Variants in TMEM267 observed in about 807,000 individuals in gnomAD.
TMEM267 encodes transmembrane protein C5orf28.
In TMEM267, 20 loss-of-function variants were observed where a neutral mutation model predicts 19.3. The ratio of observed to expected loss-of-function variants is 1.04; its 90% CI spans 0.73 to 1.51. TMEM267 has a LOEUF of 1.51. TMEM267 is among the 40% of genes most tolerant of loss of function. The pLI, the probability that TMEM267 is intolerant of heterozygous loss-of-function variation, is 0.00. For synonymous variants in TMEM267, 88 were observed against 90.3 expected, an observed-to-expected ratio of 0.97 and a Z score of 0.15; for missense variants, 242 against 261.9, an observed-to-expected ratio of 0.92 and a Z score of 0.52.
intron 2 of TMEM267, among the ~76,000 whole-genome samples, chr5:43,452,597 A>C (rs1386079505): frequency 2.0e-5 from 3 of 151,850 alleles, no homozygotes; most frequent in African/African-American, 7.3e-5. Context: ...AAAAAAAAAA[A>C]AAAAACTGAA....
chr5:43,483,614 C>T lies in TMEM267; in HGVS notation c.-75+208G>A, dbSNP rs532190485. Among the ~76,000 whole-genome samples, 147 of 152,280 alleles carry T rather than the reference C, an allele frequency of 9.7e-4. 1 individual carries two copies. The South Asian group carries it at 0.03, about 31-fold the overall frequency. On this transcript the variant is annotated intron_variant, in intron 1 of 2. Coordinates refer to ENST00000397080, the MANE Select transcript of TMEM267 (RefSeq NM_022483.5). ...CCTCGCAGACCCCAGGGCCGCGGGA[C>T]GGTGCCGGCTCGTGGGTCACACGCA...
intron 1 of TMEM267, among the ~76,000 whole-genome samples, chr5:43,456,558 G>A: frequency 6.6e-6 from 1 of 152,088 alleles, no homozygotes; most frequent in Non-Finnish European, 1.5e-5. Flanking sequence ...TCAAAACAGA[G>A]TAATAGGAAA....
intron 2 of TMEM267, among the ~76,000 whole-genome samples, chr5:43,450,671 A>C (rs1742533150): frequency 6.6e-6 from 1 of 152,198 alleles, no homozygotes; most frequent in Non-Finnish European, 1.5e-5. Flanking sequence ...TATTCTTAAC[A>C]ATAGTGCTTC....
rs746963577 is a variant in TMEM267 at position 43,453,908 on chromosome 5, A to G, written c.62T>C (p.Ile21Thr). 1.2e-6 allele frequency: 2 copies of G among 1,614,116 alleles called. No homozygotes were observed. Among genetic ancestry groups the G allele is most frequent in the Admixed American group, 3.3e-5 (2 of 59,970 alleles). Reference protein sequence around the residue: ...LLQTCSTESLISSLGLGAFCL... With the variant: ...LLQTCSTESLTSSLGLGAFCL... ...AAATGCCCCCAGACCAAGGCTGGAA[A>G]TAAGAGATTCAGTGCTACAAGTCTG... Residue 21 changes from isoleucine to threonine, a missense_variant, in exon 2 of 3, where the codon ATT becomes ACT. Physicochemically the swap from Ile to Thr is moderately conservative, Grantham distance 89. Transcript: ENST00000397080.
rs544046875 is a variant in TMEM267, at chr5:43,453,945, G to A, written c.25C>T (p.His9Tyr). Reference sequence around the variant, plus strand: ...GTGCTACAAGTCTGCAGTAAAGCATGGGTCTTTTCAGTCTCGGATGCCATG... The same window carrying A: ...GTGCTACAAGTCTGCAGTAAAGCATAGGTCTTTTCAGTCTCGGATGCCATG... MASETEKT[H>Y]ALLQTCSTES... is the part of the protein sequence containing the mutation. The change falls in exon 2 of 3, where the codon CAT becomes TAT. Residue 9 changes from histidine to tyrosine, a missense_variant. His to Tyr is a moderately conservative substitution (Grantham distance 83). Coordinates refer to ENST00000397080, the MANE Select transcript of TMEM267 (RefSeq NM_022483.5). 1.2e-6 allele frequency: 2 copies of A among 1,613,734 alleles called. No homozygotes were observed. Among genetic ancestry groups the A allele is most frequent in the South Asian group, 1.1e-5 (1 of 91,066 alleles).
intron 1 of TMEM267, among the ~76,000 whole-genome samples, chr5:43,465,554 A>C (rs1743604146): frequency 6.6e-6 from 1 of 152,212 alleles, no homozygotes; most frequent in Non-Finnish European, 1.5e-5. Context: ...CTTGGAACCA[A>C]CCCAAATGTC....
intron 1 of TMEM267, among the ~76,000 whole-genome samples, chr5:43,470,045 A>G (rs1003517087): frequency 3.9e-5 from 6 of 152,222 alleles, no homozygotes; most frequent in African/African-American, 1.4e-4. Context: ...GCCAGGACTC[A>G]AAATAATGCA....
At chr5:43,465,533 A>C (rs1187434364) in intron 1 of TMEM267, among the ~76,000 whole-genome samples, 1 of 152,194 alleles carries the variant, frequency 6.6e-6, no homozygotes, top group Admixed American at 6.5e-5. Flanking sequence ...CACTATTCAC[A>C]ATAGCAAAGA....
Position 43,446,298 on chromosome 5 carries a change from A to C in TMEM267, c.572T>G (p.Ile191Ser). 6.2e-7 allele frequency: 1 copy of C among 1,613,896 alleles called. No homozygotes were observed. Among genetic ancestry groups the C allele is most frequent in the Non-Finnish European group, 8.5e-7 (1 of 1,179,734 alleles). ...TGTTAAATACATAACGAATGAACAG[A>C]TGTGAGGTAAAGATGATGTGATTAT... ...YVIITSSLPH[I>S]CSFVMYLTGT... Residue 191 changes from isoleucine to serine, a missense_variant, in exon 3 of 3, where the codon ATC becomes AGC. By Grantham distance (142) the Ile-to-Ser change is moderately radical (BLOSUM62 -2). Coordinates refer to ENST00000397080, the MANE Select transcript of TMEM267 (RefSeq NM_022483.5).
chr5:43,454,193 G>T, intron 1 of TMEM267, 150 bp from the exon 2 acceptor site: 1 of 404,748 alleles, frequency 2.5e-6, no homozygotes, highest in East Asian at 4.4e-5. Context: ...ATGTCACATA[G>T]CCCAAGGAGA....
rs530630676 is a variant in TMEM267, at chr5:43,453,928, A to G, written c.42T>C (p.Thr14=). 6.2e-7 allele frequency: 1 copy of G among 1,614,118 alleles called. No homozygotes were observed. Among genetic ancestry groups the G allele is most frequent in the African/African-American group, 1.3e-5 (1 of 75,050 alleles). Residue 14 remains threonine, a synonymous_variant, in exon 2 of 3, where the codon ACT becomes ACC. Transcript: ENST00000397080. The part of the protein sequence containing the change: ...ETEKTHALLQ[T]CSTESLISSL... ...TGGAAATAAGAGATTCAGTGCTACA[A>G]GTCTGCAGTAAAGCATGGGTCTTTT...
At chr5:43,475,090 T>C (rs1247198538) in intron 1 of TMEM267, among the ~76,000 whole-genome samples, 1 of 152,222 alleles carries the variant, frequency 6.6e-6, no homozygotes, top group Non-Finnish European at 1.5e-5. Context: ...ATGTTTATTG[T>C]GGCACTGTTT....
At chr5:43,461,195 C>T (rs991741301) in intron 1 of TMEM267, among the ~76,000 whole-genome samples, 1 of 152,148 alleles carries the variant, frequency 6.6e-6, no homozygotes, top group East Asian at 1.9e-4. Flanking sequence ...GAAGGGAAAC[C>T]CCTGCCTTGA....
chr5:43,465,610 T>C (rs576013724), intron 1 of TMEM267, among the ~76,000 whole-genome samples: 2 of 152,280 alleles, frequency 1.3e-5, no homozygotes, highest in African/African-American at 4.8e-5. Context: ...ATATACACCA[T>C]GGAATACTAT....
intron 1 of TMEM267, among the ~76,000 whole-genome samples, chr5:43,472,648 G>A (rs1009863002): frequency 2.3e-4 from 35 of 152,288 alleles, no homozygotes; most frequent in African/African-American, 7.7e-4. Context: ...CAACAACATG[G>A]ATGGAACTGG....
chr5:43,447,161 C>T (rs978719142), intron 2 of TMEM267, among the ~76,000 whole-genome samples: 10 of 151,030 alleles, frequency 6.6e-5, no homozygotes, highest in East Asian at 1.9e-4. Flanking sequence ...GGCGCAATCT[C>T]GGCTCACTGC....
chr5:43,446,014 A>T lies in TMEM267; in HGVS notation c.*208T>A, dbSNP rs1215726188. ...GGAATAAATGAAACTCTAATATTGC[A>T]CTAGAGTTGTCATAGAAGAGAGAAG... is the stretch of plus-strand genomic sequence containing the variant. On this transcript the variant is annotated 3_prime_UTR_variant, in exon 3 of 3. Coordinates refer to ENST00000397080, the MANE Select transcript of TMEM267 (RefSeq NM_022483.5). 3.6e-5 allele frequency: 13 copies of T among 356,962 alleles called. No individual in the cohort carries two copies. The Admixed American group carries it at 4.1e-4, about 11-fold the overall frequency. 22.1% of individuals were successfully genotyped at this position (356,962 alleles called of 1,614,324 possible). A position where few individuals can be genotyped will look rare whatever the true frequency, so the allele number is the denominator to read the frequency against.
chr5:43,482,149 G>C (rs1217393882), intron 1 of TMEM267, among the ~76,000 whole-genome samples: 1 of 152,164 alleles, frequency 6.6e-6, no homozygotes, highest in African/African-American at 2.4e-5. Flanking sequence ...GGCCCCTACT[G>C]TCTACTGTTT....
intron 1 of TMEM267, among the ~76,000 whole-genome samples, chr5:43,477,685 A>T (rs965157367): frequency 3.3e-5 from 5 of 151,632 alleles, no homozygotes; most frequent in African/African-American, 4.8e-5. Context: ...AACTCCTGTC[A>T]CCAGGTATTT....
Sources: gnomAD v4.1 joint callset for allele counts (sites outside exome capture counted in the v4.1 genomes callset) on GRCh38, gnomAD v4.1.1 for gene constraint, MANE v1.5 for transcripts, NCBI Gene and HGNC (gene_info 2026-07-23, HGNC 2026-07-21) for gene names.